APC: variants seen among roughly 807,000 people sequenced by gnomAD.
The protein encoded by APC is adenomatous polyposis coli protein.
APC carries 72 observed loss-of-function variants against 247.0 expected under a neutral mutation model. The ratio of observed to expected loss-of-function variants is 0.29; its 90% CI spans 0.24 to 0.35. The LOEUF (loss-of-function observed/expected upper bound fraction) is 0.35. Among genes scored for constraint, APC ranks in the 10% least tolerant of loss-of-function variants. The probability of loss-of-function intolerance (pLI) is 1.00; values close to 1 mark genes in which losing one functional copy is unlikely to be tolerated. For missense variants in APC, 3,400 were observed against 3,360.7 expected, an observed-to-expected ratio of 1.01 and a Z score of -0.29; for synonymous variants, 1,254 against 1,162.5, an observed-to-expected ratio of 1.08 and a Z score of -1.60.
chr5:112,833,978 G>A (rs1397516079), intron 14 of APC, among the ~76,000 whole-genome samples: 1 of 151,122 alleles, frequency 6.6e-6, no homozygotes, highest in Non-Finnish European at 1.5e-5. Flanking sequence ...TTTTGAGACA[G>A]GGTCTCACTG....
chr5:112,831,298 G>A (rs997861871), intron 14 of APC, among the ~76,000 whole-genome samples: 4 of 151,990 alleles, frequency 2.6e-5, no homozygotes, highest in African/African-American at 4.8e-5. Context: ...TAGTAGAGAC[G>A]GGGTTTCACC....
intron 5 of APC, among the ~76,000 whole-genome samples, chr5:112,780,572 A>G (rs533399516): frequency 7.9e-5 from 12 of 152,320 alleles, no homozygotes; most frequent in African/African-American, 2.4e-4. Context: ...ACTTTGGCAA[A>G]TAAGTGTTTG....
At chr5:112,772,641 C>T (rs1757185072) in intron 4 of APC, among the ~76,000 whole-genome samples, 1 of 151,966 alleles carries the variant, frequency 6.6e-6, no homozygotes, top group African/African-American at 2.4e-5. Flanking sequence ...CTCAGCCTCC[C>T]AAGCAGCTAG....
chr5:112,760,371 C>G (rs1411620909), intron 2 of APC, among the ~76,000 whole-genome samples: 1 of 152,180 alleles, frequency 6.6e-6, no homozygotes, highest in Non-Finnish European at 1.5e-5. Flanking sequence ...AGAATGTTAG[C>G]AGGCGAAGTC....
At chr5:112,795,107 A>G (rs1580433642) in intron 7 of APC, among the ~76,000 whole-genome samples, 1 of 152,148 alleles carries the variant, frequency 6.6e-6, no homozygotes, top group African/African-American at 2.4e-5. Flanking sequence ...GCACACTGCA[A>G]CCTCCGCCTC....
chr5:112,823,072 C>T (rs1199395141), intron 11 of APC, among the ~76,000 whole-genome samples: 3 of 152,054 alleles, frequency 2.0e-5, no homozygotes, highest in Admixed American at 1.3e-4. Flanking sequence ...ATTCTCCCCT[C>T]GTTAATACAA....
intron 3 of APC, 91 bp downstream of exon 3, chr5:112,766,501 G>C (rs946011308): frequency 1.3e-6 from 1 of 794,478 alleles, no homozygotes; most frequent in Non-Finnish European, 2.1e-6. Context: ...CTCTCGATTT[G>C]GGTGTTGGTA....
At chr5:112,797,870 G>A (rs1760377749) in intron 7 of APC, among the ~76,000 whole-genome samples, 1 of 152,092 alleles carries the variant, frequency 6.6e-6, no homozygotes, top group Non-Finnish European at 1.5e-5. Context: ...GCAAATCAAA[G>A]CCCAAGTGAG....
chr5:112,783,712 C>T (rs1354996650), intron 6 of APC: 18 of 277,384 alleles, frequency 6.5e-5, no homozygotes, highest in Non-Finnish European at 1.2e-4. Context: ...GAGGAGGATC[C>T]CTTGAGCCCA....
At chr5:112,774,768 C>A (rs1757426258) in intron 4 of APC, among the ~76,000 whole-genome samples, 1 of 152,104 alleles carries the variant, frequency 6.6e-6, no homozygotes, top group Non-Finnish European at 1.5e-5. Context: ...TGTGCCACCA[C>A]ACCTGGCCCC....
At chr5:112,833,996 G>A (rs1764587871) in intron 14 of APC, among the ~76,000 whole-genome samples, 2 of 151,768 alleles carry the variant, frequency 1.3e-5, no homozygotes, top group African/African-American at 4.8e-5. Flanking sequence ...CTGTCAACCA[G>A]GCTTGAGTGC....
chr5:112,749,132 G>T (rs140684732), intron 1 of APC, among the ~76,000 whole-genome samples: 1 of 152,066 alleles, frequency 6.6e-6, no homozygotes, highest in Admixed American at 6.5e-5. Context: ...CACTCTACTC[G>T]CATTCCTGGA....
intron 8 of APC, among the ~76,000 whole-genome samples, chr5:112,814,720 T>C (rs1233054562): frequency 2.0e-5 from 3 of 152,290 alleles, no homozygotes; most frequent in South Asian, 4.1e-4. Flanking sequence ...GTCCAGTGAC[T>C]CCACAGCTTG....
intron 4 of APC, among the ~76,000 whole-genome samples, chr5:112,769,268 C>T (rs576148252): frequency 6.5e-4 from 99 of 152,084 alleles, no homozygotes; most frequent in African/African-American, 2.3e-3. Flanking sequence ...CCAGGCTGGT[C>T]TCGATCTCCT....
intron 2 of APC, among the ~76,000 whole-genome samples, chr5:112,763,700 A>C (rs1352018982): frequency 6.6e-6 from 1 of 152,244 alleles, no homozygotes; most frequent in Non-Finnish European, 1.5e-5. Flanking sequence ...AAAAAGTATG[A>C]CACAACAAGT....
chr5:112,724,108 A>G (rs1325966823), intron 1 of APC, among the ~76,000 whole-genome samples: 1 of 152,222 alleles, frequency 6.6e-6, no homozygotes, highest in Non-Finnish European at 1.5e-5. Flanking sequence ...TTGTTAGTAA[A>G]GATGAAAAAA....
In APC at chr5:112,839,063, G is replaced by C. The variant is rs1554085038; in HGVS notation, c.3469G>C (p.Glu1157Gln). 8 of 1,613,996 alleles carry C rather than the reference G, an allele frequency of 5.0e-6. No homozygotes were observed. Among genetic ancestry groups the C allele is most frequent in the Middle Eastern group, 1.6e-4 (1 of 6,062 alleles). ...TGAAGAAGAACAGCATGAAGAAGAAGAGAGACCAACAAATTATAGCATAAA... is the reference window on the plus strand; with the variant it reads ...TGAAGAAGAACAGCATGAAGAAGAACAGAGACCAACAAATTATAGCATAAA... The part of the protein sequence containing the change: ...YSEEEQHEEE[E>Q]RPTNYSIKYN... Residue 1157 changes from glutamate (E) to glutamine (Q), a missense_variant, in exon 16 of 16, where the codon GAG becomes CAG. Around this residue, in one of 9 missense-constraint regions of APC, gnomAD observed 715 missense variants for 656.6 expected, o/e 1.09. Transcript: ENST00000257430. The surrounding 1 kb of genome is among the most constrained non-coding windows in gnomAD (Gnocchi z 5.0).
rs777568434 is a variant in APC at position 112,839,130 on chromosome 5, A to G, written c.3536A>G (p.Tyr1179Cys). The G allele has an allele frequency of 1.4e-5, 23 of 1,614,136 alleles. No homozygotes were observed. The highest frequency in any genetic ancestry group is 2.7e-5 in the African/African-American group (2 of 75,070). The change falls in exon 16 of 16, where the codon TAT becomes TGT. Residue 1179 changes from tyrosine to cysteine, a missense_variant. Physicochemically the swap from Tyr to Cys is radical, Grantham distance 194 (BLOSUM62 -2). Coordinates refer to ENST00000257430, the MANE Select transcript of APC (RefSeq NM_000038.6). This position sits in a 1 kb window ranked among gnomAD's most constrained non-coding sequence, Gnocchi z 5.0. ...CGTCATGTGGATCAGCCTATTGATTATAGTTTAAAATATGCCACAGATATT... is the reference window on the plus strand; with the variant it reads ...CGTCATGTGGATCAGCCTATTGATTGTAGTTTAAAATATGCCACAGATATT... Reference protein sequence around the residue: ...EKRHVDQPIDYSLKYATDIPS... With the variant: ...EKRHVDQPIDCSLKYATDIPS...
At chr5:112,731,735 C>T (rs577343149) in intron 1 of APC, among the ~76,000 whole-genome samples, 5 of 152,144 alleles carry the variant, frequency 3.3e-5, no homozygotes, top group Non-Finnish European at 7.4e-5. Context: ...ATTTGATATA[C>T]TAAAACATTC....
Sources: gnomAD v4.1 joint callset for allele counts (sites outside exome capture counted in the v4.1 genomes callset) on GRCh38, gnomAD v4.1.1 for gene constraint, gnomAD v4.1.1 regional missense constraint, Gnocchi (gnomAD v3.1) non-coding constraint, MANE v1.5 for transcripts, NCBI Gene and HGNC (gene_info 2026-07-23, HGNC 2026-07-21) for gene names.